The following CRTAC1 variants were observed in gnomAD, a reference collection of about 807,000 sequenced individuals.
CRTAC1 encodes acidic secreted protein in cartilage.
In CRTAC1, 37 loss-of-function variants were observed where a neutral mutation model predicts 67.8. That is an observed-to-expected ratio of 0.55 (90% CI 0.42 to 0.72). The LOEUF (loss-of-function observed/expected upper bound fraction) is 0.72. CRTAC1 is among the 30% of genes least tolerant of loss of function. The pLI, the probability that CRTAC1 is intolerant of heterozygous loss-of-function variation, is 0.00. For synonymous variants in CRTAC1, 348 were observed against 371.0 expected, an observed-to-expected ratio of 0.94 and a Z score of 0.71; for missense variants, 780 against 931.6, an observed-to-expected ratio of 0.84 and a Z score of 2.12.
chr10:97,871,709 A>C (rs1158028677), intron 14 of CRTAC1: 2 of 152,180 alleles, frequency 1.3e-5, no homozygotes, highest in Non-Finnish European at 2.9e-5. Context: ...ACTTGAACCT[A>C]AGTCTCTGAC....
intron 2 of CRTAC1, among the ~76,000 whole-genome samples, chr10:97,944,580 T>C (rs943043745): frequency 7.9e-5 from 12 of 152,322 alleles, no homozygotes; most frequent in African/African-American, 2.9e-4. Flanking sequence ...CTAAAAATGG[T>C]CACCATCATT....
At chr10:98,010,255 G>T (rs533462252) in intron 2 of CRTAC1, among the ~76,000 whole-genome samples, 1 of 152,192 alleles carries the variant, frequency 6.6e-6, no homozygotes, top group South Asian at 2.1e-4. Context: ...GGCCAGGCTG[G>T]TCTTGAACTC....
chr10:98,003,808 T>C (rs1842736821), intron 2 of CRTAC1, among the ~76,000 whole-genome samples: 1 of 152,206 alleles, frequency 6.6e-6, no homozygotes, highest in Non-Finnish European at 1.5e-5. Flanking sequence ...TCTGTCTGCC[T>C]GTCTGTCTGG....
intron 14 of CRTAC1, among the ~76,000 whole-genome samples, chr10:97,874,660 TG>T (rs1036500222): frequency 5.9e-5 from 9 of 152,154 alleles, no homozygotes; most frequent in African/African-American, 2.2e-4. Context: ...TCTAATTTGT[TG>T]GGGGCTTTCT....
intron 2 of CRTAC1, among the ~76,000 whole-genome samples, chr10:97,941,641 C>T (rs1286519696): frequency 6.6e-6 from 1 of 152,074 alleles, no homozygotes; most frequent in African/African-American, 2.4e-5. Flanking sequence ...TTTGTCTTCG[C>T]CTCTCATTAA....
intron 1 of CRTAC1, among the ~76,000 whole-genome samples, chr10:98,019,943 C>G (rs1031372622): frequency 2.6e-5 from 4 of 152,224 alleles, no homozygotes; most frequent in African/African-American, 9.6e-5. Flanking sequence ...CTTCAAACCC[C>G]AACACTGTCA....
chr10:97,899,446 C>T (rs2050503706), intron 8 of CRTAC1, among the ~76,000 whole-genome samples: 1 of 152,150 alleles, frequency 6.6e-6, no homozygotes. Flanking sequence ...GATGGGCAGG[C>T]AGACAGAGAC....
At chr10:98,010,072 C>T (rs972152089) in intron 2 of CRTAC1, among the ~76,000 whole-genome samples, 2 of 148,804 alleles carry the variant, frequency 1.3e-5, no homozygotes, top group Non-Finnish European at 3.0e-5. Context: ...TGGAGTCTTG[C>T]TCTGTCGCCC....
intron 8 of CRTAC1, among the ~76,000 whole-genome samples, chr10:97,901,099 C>G (rs2050533070): frequency 2.2e-5 from 3 of 134,346 alleles, no homozygotes; most frequent in African/African-American, 9.3e-5. Context: ...GCCCCTTTTC[C>G]TGGTAGTGAT....
chr10:98,030,386 GGC>G lies in CRTAC1; in HGVS notation c.24+61_24+62del. 1.9e-6 allele frequency: 2 copies of G among 1,058,888 alleles called. No homozygotes were observed. The highest frequency in any genetic ancestry group is 4.8e-5 in the South Asian group (1 of 20,772). 65.6% of individuals were successfully genotyped at this position (1,058,888 alleles called of 1,614,324 possible). Reference sequence around the variant, plus strand: ...CCACCCTTGCGGGCGGATCCGGGGGGGCGCGCAGAGCTGGAGAAACTTTCTCC... The same window carrying G: ...CCACCCTTGCGGGCGGATCCGGGGGGGCGCAGAGCTGGAGAAACTTTCTCC... On this transcript the variant is annotated intron_variant, in intron 1 of 14. Coordinates refer to ENST00000370597, the MANE Select transcript of CRTAC1 (RefSeq NM_018058.7). This position sits in a 1 kb window ranked among gnomAD's most constrained non-coding sequence, Gnocchi z 4.2.
intron 3 of CRTAC1, among the ~76,000 whole-genome samples, chr10:97,928,973 C>T (rs1358592819): frequency 2.6e-5 from 4 of 151,904 alleles, no homozygotes; most frequent in African/African-American, 4.8e-5. Context: ...AGGGTGAATG[C>T]GCCAGCAAAG....
At chr10:97,874,958 T>C (rs896313999) in intron 14 of CRTAC1, among the ~76,000 whole-genome samples, 1 of 152,224 alleles carries the variant, frequency 6.6e-6, no homozygotes, top group African/African-American at 2.4e-5. Flanking sequence ...GTTTAGTGCC[T>C]GCCACGTCTT....
intron 7 of CRTAC1, among the ~76,000 whole-genome samples, chr10:97,904,100 C>G (rs934186362): frequency 6.6e-6 from 1 of 151,728 alleles, no homozygotes; most frequent in South Asian, 2.1e-4. Flanking sequence ...TTTCCAGGAG[C>G]CACCAGAAAA....
At chr10:97,878,919 G>T (rs749037192) in intron 14 of CRTAC1, among the ~76,000 whole-genome samples, 1 of 152,058 alleles carries the variant, frequency 6.6e-6, no homozygotes, top group African/African-American at 2.4e-5. Flanking sequence ...CCCAAACCCT[G>T]GTCCCCCAAA....
At chr10:98,010,867 A>T (rs772380572) in intron 2 of CRTAC1, among the ~76,000 whole-genome samples, 9 of 152,210 alleles carry the variant, frequency 5.9e-5, no homozygotes, top group Admixed American at 3.9e-4. Context: ...AAAGCAGAGC[A>T]TTCCAGTTTT....
Position 98,030,460 on chromosome 10 carries a change from C to T in CRTAC1, c.13G>A (p.Ala5Thr), listed in dbSNP as rs553337222. The T allele has an allele frequency of 4.8e-6, 6 of 1,249,862 alleles. No individual in the cohort carries two copies. In the African/African-American group the frequency reaches 7.7e-5, roughly 16 times the overall value. 77.4% of individuals were successfully genotyped at this position (1,249,862 alleles called of 1,614,324 possible). Residue 5 changes from alanine (A) to threonine (T), a missense_variant, in exon 1 of 15, where the codon GCT (alanine) becomes ACT (threonine). Coordinates refer to ENST00000370597, the MANE Select transcript of CRTAC1 (RefSeq NM_018058.7). This position sits in a 1 kb window ranked among gnomAD's most constrained non-coding sequence, Gnocchi z 4.2. MAPS[A>T]DPGMSRMLPF... ...GTGCAGATACTCACGCCGGGGTCAGCGCTCGGAGCCATCCTCCCGCTCTCG... is the reference window on the plus strand; with the variant it reads ...GTGCAGATACTCACGCCGGGGTCAGTGCTCGGAGCCATCCTCCCGCTCTCG...
At chr10:97,987,216 G>A (rs1346069116) in intron 2 of CRTAC1, among the ~76,000 whole-genome samples, 3 of 152,258 alleles carry the variant, frequency 2.0e-5, no homozygotes, top group East Asian at 3.9e-4. Context: ...TAGCCCCTTG[G>A]TCCCCAGAGA....
At chr10:97,940,339 C>G (rs1198695136) in intron 2 of CRTAC1, among the ~76,000 whole-genome samples, 2 of 152,250 alleles carry the variant, frequency 1.3e-5, no homozygotes, top group Non-Finnish European at 2.9e-5. Flanking sequence ...CACACTTTCT[C>G]TCTCTGACAC....
At chr10:98,000,432 C>T (rs2136682985) in intron 2 of CRTAC1, among the ~76,000 whole-genome samples, 1 of 152,370 alleles carries the variant, frequency 6.6e-6, no homozygotes, top group African/African-American at 2.4e-5. Flanking sequence ...AGAGAGCAGG[C>T]ACCCATGCCA....
Sources: gnomAD v4.1 joint callset for allele counts (sites outside exome capture counted in the v4.1 genomes callset) on GRCh38, gnomAD v4.1.1 for gene constraint, Gnocchi (gnomAD v3.1) non-coding constraint, MANE v1.5 for transcripts, NCBI Gene and HGNC (gene_info 2026-07-23, HGNC 2026-07-21) for gene names.